SLC1A7: variants seen among roughly 807,000 people sequenced by gnomAD.
SLC1A7 encodes solute carrier family 1 member 7.
SLC1A7 carries 40 observed loss-of-function variants against 47.7 expected under a neutral mutation model. That is an observed-to-expected ratio of 0.84 (90% CI 0.65 to 1.09). SLC1A7 has a LOEUF of 1.09. Among genes scored for constraint, SLC1A7 ranks in the 50% least tolerant of loss-of-function variants. SLC1A7 has a pLI of 0.00. For missense variants in SLC1A7, 746 were observed against 769.5 expected, an observed-to-expected ratio of 0.97 and a Z score of 0.36; for synonymous variants, 323 against 325.6, an observed-to-expected ratio of 0.99 and a Z score of 0.09.
chr1:53,135,609 T>G (rs1420672427), intron 1 of SLC1A7, among the ~76,000 whole-genome samples: 2 of 151,992 alleles, frequency 1.3e-5, no homozygotes, highest in Non-Finnish European at 2.9e-5. Context: ...GACCAGGACC[T>G]GACAACTGAA....
intron 5 of SLC1A7, 141 bp downstream of exon 5, chr1:53,103,205 G>C: frequency 1.5e-6 from 1 of 649,990 alleles, no homozygotes; most frequent in South Asian, 2.1e-5. Flanking sequence ...AAATAAACAG[G>C]TGTGGTGAAT....
At chr1:53,141,412 C>A (rs898342743) in intron 1 of SLC1A7, among the ~76,000 whole-genome samples, 4 of 152,020 alleles carry the variant, frequency 2.6e-5, no homozygotes, top group South Asian at 4.1e-4. Context: ...TTGATAACTA[C>A]CCCCCTACCA....
chr1:53,091,254 C>T (rs1244516001), intron 7 of SLC1A7, among the ~76,000 whole-genome samples: 1 of 152,190 alleles, frequency 6.6e-6, no homozygotes, highest in East Asian at 1.9e-4. Context: ...AGCACCTGGC[C>T]CATTGTACCC....
chr1:53,121,292 G>A (rs975776714), intron 2 of SLC1A7, among the ~76,000 whole-genome samples: 16 of 152,210 alleles, frequency 1.1e-4, no homozygotes, highest in African/African-American at 1.7e-4. Context: ...GTGCCCAGGT[G>A]ACTGAGCAGC....
chr1:53,106,389 G>A (rs1335400587), intron 3 of SLC1A7, among the ~76,000 whole-genome samples: 4 of 151,198 alleles, frequency 2.6e-5, no homozygotes, highest in East Asian at 3.9e-4. Context: ...AGGCCAAGGC[G>A]GGCGGATCAC....
At chr1:53,117,157 C>T (rs1644771252) in intron 2 of SLC1A7, among the ~76,000 whole-genome samples, 1 of 152,122 alleles carries the variant, frequency 6.6e-6, no homozygotes, top group African/African-American at 2.4e-5. Flanking sequence ...GGAGATGGGG[C>T]AGACATGCGC....
rs71044458 is a variant in SLC1A7 at position 53,136,560 on chromosome 1, T to TATATAAACATATATA, written c.136-2132_136-2131insTATATATGTTTATAT. 2.5e-4 allele frequency among the ~76,000 whole-genome samples: 20 copies of TATATAAACATATATA among 80,506 alleles called. 3 individuals are homozygous for TATATAAACATATATA. Among genetic ancestry groups the TATATAAACATATATA allele is most frequent in the African/African-American group, 9.1e-4 (20 of 21,972 alleles). 52.8% of individuals were successfully genotyped at this position (80,506 alleles called of 152,430 possible). On this transcript the variant is annotated intron_variant, in intron 1 of 10. Transcript: ENST00000371494. ...AACATATATATAATATATATAAACA[T>TATATAAACATATATA]ATATATAAACATATATAATATATAA...
At chr1:53,109,792 C>T (rs921900270) in intron 3 of SLC1A7, among the ~76,000 whole-genome samples, 3 of 152,168 alleles carry the variant, frequency 2.0e-5, no homozygotes, top group African/African-American at 7.2e-5. Context: ...ACCCACTTGT[C>T]CGTCTGTCCT....
At chr1:53,100,879 T>G (rs557949677) in intron 5 of SLC1A7, among the ~76,000 whole-genome samples, 1 of 140,938 alleles carries the variant, frequency 7.1e-6, no homozygotes, top group East Asian at 2.3e-4. Flanking sequence ...CACTTTGCCT[T>G]GGTACACTCA....
rs369380698 is a variant in SLC1A7 at position 53,100,633 on chromosome 1, C to T, written c.697+2713G>A. Among the ~76,000 whole-genome samples the T allele has an allele frequency of 4.6e-4, 69 of 150,306 alleles. No homozygotes were observed. In the East Asian group the frequency reaches 0.012, roughly 25 times the overall value. ...CTCGGTACACTCACACAACCCGTCT[C>T]GGTACACTCACACACCTTTCCTCGG... On this transcript the variant is annotated intron_variant, in intron 5 of 10. Coordinates refer to ENST00000371494, the MANE Select transcript of SLC1A7 (RefSeq NM_006671.6).
At chr1:53,126,826 T>C (rs1447170936) in intron 2 of SLC1A7, among the ~76,000 whole-genome samples, 1 of 151,660 alleles carries the variant, frequency 6.6e-6, no homozygotes, top group East Asian at 1.9e-4. Context: ...GAGGATGGTT[T>C]CTTCTCTGTT....
intron 2 of SLC1A7, among the ~76,000 whole-genome samples, chr1:53,126,273 C>T (rs573464861): frequency 1.3e-5 from 2 of 152,352 alleles, no homozygotes; most frequent in East Asian, 3.9e-4. Context: ...TCAGGCCCTC[C>T]TCTCTCGTGG....
chr1:53,117,873 G>A (rs1378232979), intron 2 of SLC1A7, among the ~76,000 whole-genome samples: 1 of 152,250 alleles, frequency 6.6e-6, no homozygotes, highest in African/African-American at 2.4e-5. Flanking sequence ...GCCCCCATCA[G>A]CTCTGGACAG....
chr1:53,120,663 A>G (rs2150337475), intron 2 of SLC1A7, among the ~76,000 whole-genome samples: 1 of 152,254 alleles, frequency 6.6e-6, no homozygotes, highest in African/African-American at 2.4e-5. Context: ...GACTGCAGCC[A>G]TCTCACCCAC....
At chr1:53,090,509 C>A in intron 8 of SLC1A7, 103 bp downstream of exon 8, 2 of 1,435,038 alleles carry the variant, frequency 1.4e-6, no homozygotes, top group South Asian at 3.0e-5. Context: ...GTGCTCCGAG[C>A]CCAGGCTCGC....
intron 3 of SLC1A7, among the ~76,000 whole-genome samples, chr1:53,106,843 G>T (rs1385814508): frequency 6.6e-6 from 1 of 152,040 alleles, no homozygotes; most frequent in Non-Finnish European, 1.5e-5. Flanking sequence ...AAGGTTTAAA[G>T]AAATAAATAA....
chr1:53,108,998 A>T (rs1475835570), intron 3 of SLC1A7, among the ~76,000 whole-genome samples: 1 of 152,064 alleles, frequency 6.6e-6, no homozygotes, highest in East Asian at 1.9e-4. Context: ...TGCTTGTCCC[A>T]TGAGGTCCGT....
At chr1:53,125,678 G>A (rs1186506144) in intron 2 of SLC1A7, among the ~76,000 whole-genome samples, 1 of 152,192 alleles carries the variant, frequency 6.6e-6, no homozygotes, top group Admixed American at 6.5e-5. Flanking sequence ...ACTTCGGGGG[G>A]ACCTAGGGGT....
At chr1:53,126,471 G>C (rs565771399) in intron 2 of SLC1A7, among the ~76,000 whole-genome samples, 1 of 152,182 alleles carries the variant, frequency 6.6e-6, no homozygotes, top group African/African-American at 2.4e-5. Context: ...GAGTTACGCC[G>C]GGTTATACAG....
Sources: allele counts gnomAD v4.1 joint callset (sites outside exome capture counted in the v4.1 genomes callset), GRCh38; gene constraint gnomAD v4.1.1; transcripts MANE v1.5; gene names NCBI Gene and HGNC (gene_info 2026-07-23, HGNC 2026-07-21).